Variants in ITPR3 observed in about 807,000 individuals in gnomAD.
The protein encoded by ITPR3 is inositol 1,4,5-trisphosphate receptor type 3.
ITPR3 carries 173 observed loss-of-function variants against 293.2 expected under a neutral mutation model. The observed-to-expected ratio is 0.59, with a 90% CI of 0.52 to 0.67. ITPR3 has a LOEUF of 0.67. Among genes scored for constraint, ITPR3 ranks in the 30% least tolerant of loss-of-function variants. The pLI is 0.00. For synonymous variants in ITPR3, 1,295 were observed against 1,444.4 expected (o/e 0.90, Z 2.35); for missense variants, 2,796 against 3,592.1 (o/e 0.78, Z 5.66).
chr6:33,685,312 G>A (rs1286381426), intron 39 of ITPR3, 47 bp from the exon 40 acceptor site: 8 of 1,532,150 alleles, frequency 5.2e-6, no homozygotes, highest in Non-Finnish European at 7.2e-6. Flanking sequence ...CTGAGTAGGA[G>A]CAGGGCCCAG....
rs1201134516 is a variant in ITPR3 at position 33,683,219 on chromosome 6, C to T, written c.4610C>T (p.Ala1537Val). Residue 1537 changes from alanine (A) to valine (V), a missense_variant, in exon 35 of 58, where the codon GCC becomes GTC. This residue lies in a region of ITPR3 where 704 missense variants were observed against 797.5 expected (regional missense o/e 0.88). Transcript: ENST00000605930. The surrounding 1 kb of genome is among the most constrained non-coding windows in gnomAD (Gnocchi z 4.5). ...CCTTCCCACCCAGCCAAGGGCCGGG[C>T]CATCTTGCTGCCCATGGACCTGGAT... ...RTLAMVAKGR[A>V]ILLPMDLDAH... 2.6e-6 allele frequency: 4 copies of T among 1,532,756 alleles called. No homozygotes were observed. In the Admixed American group the frequency reaches 7.8e-5, roughly 30 times the overall value. 94.9% of individuals were successfully genotyped at this position (1,532,756 alleles called of 1,614,324 possible).
intron 9 of ITPR3, 105 bp from the exon 10 acceptor site, chr6:33,663,395 C>A: frequency 8.6e-7 from 1 of 1,159,402 alleles, no homozygotes; most frequent in Non-Finnish European, 1.3e-6. Flanking sequence ...GTGCAGCCTG[C>A]CTGCCCAAAC....
chr6:33,659,072 C>T lies in ITPR3; in HGVS notation c.580C>T (p.Leu194=). The T allele has an allele frequency of 6.2e-7, 1 of 1,614,124 alleles. No homozygotes were observed. Among genetic ancestry groups the T allele is most frequent in the Non-Finnish European group, 8.5e-7 (1 of 1,179,992 alleles). ...GAATCCTGTCAATGCCGGGCAGCCT[C>T]TGCATGCCAGCAATTACGAGCTCAG... ...ILNPVNAGQP[L]HASNYELSDN... is the part of the protein sequence containing the mutation. Residue 194 remains leucine (L), a synonymous_variant, in exon 6 of 58, where the codon CTG becomes TTG. Transcript: ENST00000605930.
chr6:33,680,305 CCT>C (rs748014671), intron 31 of ITPR3, 22 bp from the exon 32 acceptor site: 2 of 1,606,372 alleles, frequency 1.2e-6, no homozygotes, highest in Non-Finnish European at 1.7e-6. Flanking sequence ...TGCTTGCGCC[CCT>C]GACCTCCCGC....
At position 33,682,533 on chromosome 6, in the gene ITPR3, A is replaced by G; in HGVS notation, c.4486A>G (p.Thr1496Ala). 1.3e-6 allele frequency: 2 copies of G among 1,540,758 alleles called. No individual in the cohort carries two copies. The highest frequency in any genetic ancestry group is 8.8e-7 in the Non-Finnish European group (1 of 1,141,950). ...ENSTSLQTHQ[T>A]IVVQLLQSTT... ...CTGTGACTTCTTGCAGACACACCAG[A>G]CGATTGTGGTGCAGCTGCTGCAGTC... Residue 1496 changes from threonine (T) to alanine (A), a missense_variant, in exon 34 of 58, where the codon ACG becomes GCG. Coordinates refer to ENST00000605930, the MANE Select transcript of ITPR3 (RefSeq NM_002224.4). The surrounding 1 kb of genome is among the most constrained non-coding windows in gnomAD (Gnocchi z 5.4).
intron 2 of ITPR3, among the ~76,000 whole-genome samples, chr6:33,643,285 C>T (rs1481089577): frequency 6.6e-6 from 1 of 152,174 alleles, no homozygotes; most frequent in African/African-American, 2.4e-5. Flanking sequence ...TGCCCGGCTC[C>T]CTGCCAGCTC....
rs770925389 is a variant in ITPR3 at position 33,658,702 on chromosome 6, A to T, written c.402A>T (p.Thr134=). The change falls in exon 5 of 58, where the codon ACA becomes ACT. Residue 134 remains threonine, a synonymous_variant. Transcript: ENST00000605930. This position sits in a 1 kb window ranked among gnomAD's most constrained non-coding sequence, Gnocchi z 6.1. Reference sequence around the variant, plus strand: ...ACATGAAGAGCAACAAGTACCTGACAGTGAACAAGCGGCTTCCGGCCTTGC... The same window carrying T: ...ACATGAAGAGCAACAAGTACCTGACTGTGAACAAGCGGCTTCCGGCCTTGC... ...LLHMKSNKYL[T]VNKRLPALLE... is the part of the protein sequence containing the mutation. 6.2e-7 allele frequency: 1 copy of T among 1,614,230 alleles called. No homozygotes were observed.
At chr6:33,659,169 C>G in intron 6 of ITPR3, 50 bp downstream of exon 6, 1 of 1,527,066 alleles carries the variant, frequency 6.5e-7, no homozygotes, top group South Asian at 1.1e-5. Flanking sequence ...CCACACACCC[C>G]TGGTGGTGTA....
intron 1 of ITPR3, among the ~76,000 whole-genome samples, chr6:33,635,814 G>A (rs181953586): frequency 6.6e-6 from 1 of 151,914 alleles, no homozygotes; most frequent in Non-Finnish European, 1.5e-5. Context: ...CCTGGAGGGG[G>A]CTCCAGGGCT....
In ITPR3 at chr6:33,638,294, G is replaced by A. The variant is rs552606418; in HGVS notation, c.90-2190G>A. On this transcript the variant is annotated intron_variant, in intron 1 of 57. Transcript: ENST00000605930. This position sits in a 1 kb window ranked among gnomAD's most constrained non-coding sequence, Gnocchi z 4.3. ...GCAGGGATTACAGGCATGAGCCACCGCGTCCATCCACATAGGCATGATTGA... is the reference window on the plus strand; with the variant it reads ...GCAGGGATTACAGGCATGAGCCACCACGTCCATCCACATAGGCATGATTGA... Among the ~76,000 whole-genome samples the A allele has an allele frequency of 3.3e-5, 5 of 152,270 alleles. No homozygotes were observed. Among genetic ancestry groups the A allele is most frequent in the Admixed American group, 2.0e-4 (3 of 15,286 alleles).
intron 56 of ITPR3, 176 bp from the exon 57 acceptor site, chr6:33,694,748 C>T: frequency 1.3e-6 from 1 of 742,288 alleles, no homozygotes; most frequent in Non-Finnish European, 2.2e-6. Context: ...GGTTGACTGC[C>T]AGCTCACTCT....
In ITPR3 at chr6:33,691,725, G is replaced by C. The variant is rs370426123; in HGVS notation, c.7330+6G>C. On this transcript the variant is annotated splice_donor_region_variant and intron_variant, in intron 53 of 57. Coordinates refer to ENST00000605930, the MANE Select transcript of ITPR3 (RefSeq NM_002224.4). The surrounding 1 kb of genome is among the most constrained non-coding windows in gnomAD (Gnocchi z 4.9). ...GGTGCCTGAGGTCCTGGAAGGTGAG[G>C]GTGGTGTGTGTGCAGGAGTCTGTGT... is the stretch of plus-strand genomic sequence containing the variant. 2 of 1,613,924 alleles carry C rather than the reference G, an allele frequency of 1.2e-6. No homozygotes were observed. The highest frequency in any genetic ancestry group is 1.7e-6 in the Non-Finnish European group (2 of 1,179,964).
Position 33,640,579 on chromosome 6 carries a change from C to A in ITPR3, c.160+25C>A, listed in dbSNP as rs763581822. ...GGTAAGACCTCCGCTTCCTCTGCCC[C>A]CGCCCCTCCCAGGCTGCAGGGTTCT... On this transcript the variant is annotated intron_variant, in intron 2 of 57. Coordinates refer to ENST00000605930, the MANE Select transcript of ITPR3 (RefSeq NM_002224.4). 5 of 1,583,988 alleles carry A rather than the reference C, an allele frequency of 3.2e-6. No homozygotes were observed. The Admixed American group carries it at 7.1e-5, about 23-fold the overall frequency.
At chr6:33,688,454 GT>G in intron 48 of ITPR3, 23 bp downstream of exon 48, 1 of 1,287,326 alleles carries the variant, frequency 7.8e-7, no homozygotes. Flanking sequence ...GGGCGGGAGG[GT>G]GGGGCGGTCT....
At chr6:33,694,716 G>C in intron 56 of ITPR3, 2 of 585,628 alleles carry the variant, frequency 3.4e-6, no homozygotes, top group South Asian at 2.2e-5. Context: ...AGCCTGTCTC[G>C]GTGGCAGAGG....
chr6:33,673,529 G>A, intron 22 of ITPR3, 62 bp from the exon 23 acceptor site: 2 of 1,592,058 alleles, frequency 1.3e-6, no homozygotes, highest in Non-Finnish European at 8.6e-7. Flanking sequence ...AAGTAGGAAG[G>A]GCCTTCTGAC....
intron 7 of ITPR3, among the ~76,000 whole-genome samples, chr6:33,660,930 C>CA (rs60788282): frequency 3.3e-5 from 5 of 149,974 alleles, no homozygotes; most frequent in Admixed American, 6.6e-5. Flanking sequence ...GACTCCTTCT[C>CA]AAAAAAAACA....
chr6:33,688,745 G>A lies in ITPR3; in HGVS notation c.6658G>A (p.Ala2220Thr). The part of the protein sequence containing the change: ...NLAVFINIII[A>T]FFYPYMEGAS... ...GGCCGTGTTTATCAACATCATCATT[G>A]CCTTCTTCTACCCTTACATGGAGGG... is the stretch of plus-strand genomic sequence containing the variant. The change falls in exon 49 of 58, where the codon GCC becomes ACC. Residue 2220 changes from alanine (A) to threonine (T), a missense_variant. Physicochemically the swap from Ala to Thr is moderately conservative, Grantham distance 58. Coordinates refer to ENST00000605930, the MANE Select transcript of ITPR3 (RefSeq NM_002224.4). The A allele has an allele frequency of 6.2e-7, 1 of 1,614,198 alleles. No individual in the cohort carries two copies. The highest frequency in any genetic ancestry group is 8.5e-7 in the Non-Finnish European group (1 of 1,180,028).
Position 33,685,482 on chromosome 6 carries a change from C to G in ITPR3, c.5431C>G (p.Leu1811Val). The G allele has an allele frequency of 1.2e-6, 2 of 1,613,572 alleles. No individual in the cohort carries two copies. The highest frequency in any genetic ancestry group is 1.7e-6 in the Non-Finnish European group (2 of 1,179,872). ...KSTVAVNMNDLGSQPHEDREP... is the reference protein window; with the variant it reads ...KSTVAVNMNDVGSQPHEDREP... ...CACGGTGGCAGTCAACATGAATGAC[C>G]TGGGCAGCCAGCCACATGAGGACCG... The change falls in exon 40 of 58, where the codon CTG (leucine) becomes GTG (valine). Residue 1811 changes from leucine (L) to valine (V), a missense_variant. By Grantham distance (32) the Leu-to-Val change is conservative. Transcript: ENST00000605930.
Sources: gnomAD v4.1 joint callset for allele counts (sites outside exome capture counted in the v4.1 genomes callset) on GRCh38, gnomAD v4.1.1 for gene constraint, gnomAD v4.1.1 regional missense constraint, Gnocchi (gnomAD v3.1) non-coding constraint, MANE v1.5 for transcripts, NCBI Gene and HGNC (gene_info 2026-07-23, HGNC 2026-07-21) for gene names.